CCDC141: variants seen among roughly 807,000 people sequenced by gnomAD.
CCDC141 encodes coiled-coil domain containing 141, also known as coiled-coil domain-containing protein 141.
Under a neutral mutation model 181.0 loss-of-function variants are expected in CCDC141, and 168 were observed. That is an observed-to-expected ratio of 0.93 (90% confidence interval 0.82 to 1.05). CCDC141 has a LOEUF of 1.05. CCDC141 is among the 50% of genes least tolerant of loss of function. CCDC141 has a pLI of 0.00. For synonymous variants in CCDC141, 666 were observed against 642.3 expected (o/e 1.04, Z -0.56); for missense variants, 1,902 against 1,788.5 (o/e 1.06, Z -1.14).
intron 1 of CCDC141, among the ~76,000 whole-genome samples, chr2:179,049,081 C>CT (rs1384499642): frequency 4.6e-5 from 7 of 151,812 alleles, no homozygotes; most frequent in Admixed American, 1.3e-4. Context: ...TGCTTGAAAG[C>CT]TTTTTTTTAC....
At chr2:178,952,298 A>T (rs1337156845) in intron 5 of CCDC141, among the ~76,000 whole-genome samples, 2 of 152,260 alleles carry the variant, frequency 1.3e-5, no homozygotes, top group Admixed American at 1.3e-4. Context: ...CAAAGTATGT[A>T]GTGACATGGT....
At position 178,914,012 on chromosome 2, in the gene CCDC141, T is replaced by C. The variant is rs116224799; in HGVS notation, c.1092+4701A>G. Among the ~76,000 whole-genome samples the C allele has an allele frequency of 9.9e-3, 1,503 of 152,340 alleles. 15 individuals are homozygous for C. Among genetic ancestry groups the C allele is most frequent in the Non-Finnish European group, 0.015 (1,002 of 68,028 alleles). ...TATTTATCTCTGATTCAAACTACAT[T>C]CCCTTAACAATGATAAATACGTTTG... is the stretch of plus-strand genomic sequence containing the variant. On this transcript the variant is annotated intron_variant, in intron 7 of 23. Transcript: ENST00000443758.
intron 2 of CCDC141, among the ~76,000 whole-genome samples, chr2:179,024,906 A>C (rs949051638): frequency 6.6e-5 from 10 of 152,000 alleles, no homozygotes; most frequent in Admixed American, 2.0e-4. Context: ...TACTGCAAAA[A>C]CTTTTTAAAA....
intron 6 of CCDC141, among the ~76,000 whole-genome samples, chr2:178,935,693 T>C (rs183747431): frequency 5.0e-4 from 76 of 152,062 alleles, no homozygotes; most frequent in African/African-American, 1.8e-3. Context: ...TTAAGGAGTC[T>C]CCATACTGTG....
intron 12 of CCDC141, 123 bp from the exon 13 acceptor site, chr2:178,872,435 C>T (rs564994042): frequency 2.4e-6 from 2 of 838,848 alleles, no homozygotes; most frequent in Admixed American, 6.0e-5. Flanking sequence ...GTTCTGACAT[C>T]CAAGCAAGTC....
intron 6 of CCDC141, among the ~76,000 whole-genome samples, chr2:178,932,297 C>T (rs1689131672): frequency 8.5e-5 from 13 of 152,156 alleles, no homozygotes. Flanking sequence ...GGAACCTAGG[C>T]CCAAATACAT....
intron 2 of CCDC141, among the ~76,000 whole-genome samples, chr2:179,020,234 A>G (rs1267735722): frequency 6.6e-6 from 1 of 152,146 alleles, no homozygotes. Flanking sequence ...TAGGGTTAAA[A>G]TCCAAAAGCA....
intron 6 of CCDC141, 75 bp downstream of exon 6, chr2:178,944,460 T>A (rs945577628): frequency 1.6e-6 from 1 of 610,930 alleles, no homozygotes; most frequent in African/African-American, 1.9e-5. Flanking sequence ...CTCCTCTAAA[T>A]TACCCACAGA....
At chr2:178,900,760 T>C (rs1687647343) in intron 8 of CCDC141, among the ~76,000 whole-genome samples, 1 of 152,108 alleles carries the variant, frequency 6.6e-6, no homozygotes, top group South Asian at 2.1e-4. Context: ...CTCCAGGAGT[T>C]CAGCATCAAA....
At chr2:178,859,571 T>G (rs950617334) in intron 17 of CCDC141, among the ~76,000 whole-genome samples, 4 of 152,132 alleles carry the variant, frequency 2.6e-5, no homozygotes, top group Non-Finnish European at 4.4e-5. Flanking sequence ...GGTGTTATAA[T>G]TCATATTAAA....
chr2:179,006,385 A>G lies in CCDC141; in HGVS notation c.226-27710T>C, dbSNP rs543917345. Among the ~76,000 whole-genome samples the G allele has an allele frequency of 5.9e-5, 9 of 152,288 alleles. No homozygotes were observed. The East Asian group carries it at 1.7e-3, about 29-fold the overall frequency. On this transcript the variant is annotated intron_variant, in intron 2 of 23. Transcript: ENST00000443758. ...ATGGCAAACAAACTCCCTGAGAAAA[A>G]AACAGTGGGAGTTTTCATATGAAAG...
chr2:178,909,427 G>A (rs957253301), intron 7 of CCDC141, among the ~76,000 whole-genome samples: 1 of 152,094 alleles, frequency 6.6e-6, no homozygotes, highest in African/African-American at 2.4e-5. Context: ...AATACCTATT[G>A]GTACGATGGG....
rs775468198 is a variant in CCDC141 at position 178,905,497 on chromosome 2, A to G, written c.1097T>C (p.Phe366Ser). The change falls in exon 8 of 24, where the codon TTT (phenylalanine) becomes TCT (serine). Residue 366 changes from phenylalanine to serine, a missense_variant. Coordinates refer to ENST00000443758, the MANE Select transcript of CCDC141 (RefSeq NM_173648.4). ...AGCTTCAACTCTTCCAAGTACATCAAATGCCTGCCAAAGAAAACATACTTT... is the reference window on the plus strand; with the variant it reads ...AGCTTCAACTCTTCCAAGTACATCAGATGCCTGCCAAAGAAAACATACTTT... Reference protein sequence around the residue: ...NEFFNSANKAFDVLGRVEAYL... With the variant: ...NEFFNSANKASDVLGRVEAYL... The G allele has an allele frequency of 2.6e-6, 4 of 1,542,206 alleles. No individual in the cohort carries two copies. The highest frequency in any genetic ancestry group is 4.1e-5 in the Admixed American group (2 of 48,810).
chr2:178,952,403 T>C (rs188738695), intron 5 of CCDC141, among the ~76,000 whole-genome samples: 1 of 152,328 alleles, frequency 6.6e-6, no homozygotes, highest in Non-Finnish European at 1.5e-5. Context: ...AATAAATCTA[T>C]AGGTAGATAC....
intron 2 of CCDC141, among the ~76,000 whole-genome samples, chr2:179,001,017 C>T (rs1406664980): frequency 1.3e-5 from 2 of 152,134 alleles, no homozygotes; most frequent in African/African-American, 2.4e-5. Flanking sequence ...GGGTGATGCT[C>T]ATTTGCCCAG....
chr2:178,943,514 A>G (rs1387407193), intron 6 of CCDC141, among the ~76,000 whole-genome samples: 1 of 152,150 alleles, frequency 6.6e-6, no homozygotes, highest in Non-Finnish European at 1.5e-5. Context: ...CCTCCCAGAC[A>G]TGTGAATATT....
Position 178,868,224 on chromosome 2 carries a change from A to G in CCDC141, c.2395-19T>C, listed in dbSNP as rs751635167. ...GTCCCAGCTACAATTTAGGGCATTA[A>G]CAATTAACCTGGGTTTTATATGAAG... On this transcript the variant is annotated intron_variant, in intron 15 of 23. Transcript: ENST00000443758. 1 of 1,589,918 alleles carries G rather than the reference A, an allele frequency of 6.3e-7. No homozygotes were observed. Among genetic ancestry groups the G allele is most frequent in the Non-Finnish European group, 8.6e-7 (1 of 1,160,580 alleles).
At chr2:178,819,959 A>C in the CCDC141 span, among the ~76,000 whole-genome samples, 1 of 152,286 alleles carries the variant, frequency 6.6e-6, no homozygotes, top group East Asian at 1.9e-4. Context: ...TGGTTTTTGA[A>C]AAGCATTCTA....
At chr2:179,031,793 G>C (rs1466351715) in intron 2 of CCDC141, among the ~76,000 whole-genome samples, 1 of 151,998 alleles carries the variant, frequency 6.6e-6, no homozygotes, top group Non-Finnish European at 1.5e-5. Flanking sequence ...TGGTATCACT[G>C]AACCTAAGAA....
Sources: allele counts gnomAD v4.1 joint callset (sites outside exome capture counted in the v4.1 genomes callset), GRCh38; gene constraint gnomAD v4.1.1; transcripts MANE v1.5; gene names NCBI Gene and HGNC (gene_info 2026-07-23, HGNC 2026-07-21).